Variants in PCDHGB5 observed in about 807,000 individuals in gnomAD.
PCDHGB5 encodes protocadherin gamma-B5.
Under a neutral mutation model 62.9 loss-of-function variants are expected in PCDHGB5, and 48 were observed. The observed-to-expected ratio is 0.76, with a 90% confidence interval of 0.61 to 0.97. The LOEUF is 0.97. Among genes scored for constraint, PCDHGB5 ranks in the 50% least tolerant of loss-of-function variants. The pLI, the probability that PCDHGB5 is intolerant of heterozygous loss-of-function variation, is 0.00. For missense variants in PCDHGB5, 1,118 were observed against 1,198.6 expected, an observed-to-expected ratio of 0.93 and a Z score of 0.99; for synonymous variants, 474 against 511.2, an observed-to-expected ratio of 0.93 and a Z score of 0.98.
At chr5:141,426,702 C>CA (rs1187798274) in intron 1 of PCDHGB5, 1 of 439,184 alleles carries the variant, frequency 2.3e-6, no homozygotes, top group Admixed American at 2.4e-5. Context: ...CATTGTTTTA[C>CA]AAATCAATGA....
chr5:141,448,145 A>G (rs2098568457), intron 1 of PCDHGB5, among the ~76,000 whole-genome samples: 1 of 151,716 alleles, frequency 6.6e-6, no homozygotes, highest in South Asian at 2.1e-4. Flanking sequence ...TATACCTCAG[A>G]CTCACCCCTG....
At chr5:141,409,067 A>G (rs2095219315) in intron 1 of PCDHGB5, 2 of 1,614,034 alleles carry the variant, frequency 1.2e-6, no homozygotes, top group South Asian at 2.2e-5. Context: ...CCAGAGCACA[A>G]AACATATGTT....
intron 1 of PCDHGB5, chr5:141,422,123 C>A: frequency 6.2e-7 from 1 of 1,601,290 alleles, no homozygotes; most frequent in South Asian, 1.1e-5. Context: ...GATTCACAAA[C>A]TGGAGAAGTT....
chr5:141,409,883 C>T lies in PCDHGB5; in HGVS notation c.2397+9359C>T, dbSNP rs530193346. 1.2e-6 allele frequency: 2 copies of T among 1,612,988 alleles called. No individual in the cohort carries two copies. The highest frequency in any genetic ancestry group is 3.3e-5 in the Admixed American group (2 of 59,964). ...GGGAGACCGCAATGACAACGCACCGCGGGTGCTGTACCCAGCTCTGGGTCC... is the reference window on the plus strand; with the variant it reads ...GGGAGACCGCAATGACAACGCACCGTGGGTGCTGTACCCAGCTCTGGGTCC... On this transcript the variant is annotated intron_variant, in intron 1 of 3. Transcript: ENST00000617380.
chr5:141,404,928 C>A lies in PCDHGB5; in HGVS notation c.2397+4404C>A, dbSNP rs145718404. The stretch of plus-strand genomic sequence containing the variant: ...CAGCCCCCTCTCTCGGCCACTGTCA[C>A]GCTCACAGTAGCCATAGCTGACAGC... On this transcript the variant is annotated intron_variant, in intron 1 of 3. Coordinates refer to ENST00000617380, the MANE Select transcript of PCDHGB5 (RefSeq NM_018925.3). The A allele has an allele frequency of 1.9e-6, 3 of 1,613,866 alleles. No individual in the cohort carries two copies. In the South Asian group the frequency reaches 3.3e-5, roughly 18 times the overall value.
chr5:141,477,059 A>T lies in PCDHGB5; in HGVS notation c.2398-17748A>T. The T allele has an allele frequency of 6.2e-7, 1 of 1,614,238 alleles. No homozygotes were observed. Among genetic ancestry groups the T allele is most frequent in the Non-Finnish European group, 8.5e-7 (1 of 1,180,036 alleles). ...CAAGGGTCGGCTGGACTTCGAGGAC[A>T]CCAAACTCCATGAGATTTACATCCA... On this transcript the variant is annotated intron_variant, in intron 1 of 3. Transcript: ENST00000617380. The surrounding 1 kb of genome is among the most constrained non-coding windows in gnomAD (Gnocchi z 4.9).
chr5:141,462,781 G>A (rs893647456), intron 1 of PCDHGB5, among the ~76,000 whole-genome samples: 7 of 152,102 alleles, frequency 4.6e-5, no homozygotes, highest in African/African-American at 1.7e-4. Context: ...GTCATAATTT[G>A]TTGCTTATTT....
chr5:141,405,398 CT>C, intron 1 of PCDHGB5: 1 of 1,590,264 alleles, frequency 6.3e-7, no homozygotes, highest in Non-Finnish European at 8.6e-7. Context: ...TTTTTTCTTT[CT>C]TTCTTTTCTT....
At chr5:141,499,548 A>G (rs1312910986) in intron 2 of PCDHGB5, among the ~76,000 whole-genome samples, 3 of 152,226 alleles carry the variant, frequency 2.0e-5, no homozygotes, top group African/African-American at 7.2e-5. Flanking sequence ...ATGAACCTGT[A>G]TGATACCACT....
chr5:141,404,945 G>A (rs753544983), intron 1 of PCDHGB5: 6 of 1,613,952 alleles, frequency 3.7e-6, no homozygotes, highest in Non-Finnish European at 5.1e-6. Flanking sequence ...AGTAGCCATA[G>A]CTGACAGCAT....
At chr5:141,408,747 T>C (rs1589683971) in intron 1 of PCDHGB5, 1 of 1,609,868 alleles carries the variant, frequency 6.2e-7, no homozygotes, top group Non-Finnish European at 8.5e-7. Flanking sequence ...TCATTAATGG[T>C]TAGAGTTAAT....
At chr5:141,405,047 G>A in intron 1 of PCDHGB5, 4 of 1,613,944 alleles carry the variant, frequency 2.5e-6, no homozygotes, top group Non-Finnish European at 2.5e-6. Context: ...GGCTGTGGCA[G>A]TCGTCTCCTG....
intron 1 of PCDHGB5, chr5:141,409,280 T>C (rs1277414418): frequency 6.2e-7 from 1 of 1,613,904 alleles, no homozygotes; most frequent in Non-Finnish European, 8.5e-7. Context: ...TTTGGAGAAT[T>C]CACCTCCAGG....
At chr5:141,405,931 C>CT (rs1439525242) in intron 1 of PCDHGB5, among the ~76,000 whole-genome samples, 2 of 152,062 alleles carry the variant, frequency 1.3e-5, no homozygotes, top group Non-Finnish European at 2.9e-5. Context: ...GCTGATATAA[C>CT]TTTCATGTTC....
rs1336220348 is a variant in PCDHGB5, at chr5:141,399,081, G to A, written c.954G>A (p.Arg318=). 1.2e-6 allele frequency: 2 copies of A among 1,613,758 alleles called. No individual in the cohort carries two copies. The highest frequency in any genetic ancestry group is 1.3e-5 in the African/African-American group (1 of 75,030). Residue 318 remains arginine, a synonymous_variant, in exon 1 of 4, where the codon AGG becomes AGA. Coordinates refer to ENST00000617380, the MANE Select transcript of PCDHGB5 (RefSeq NM_018925.3). The stretch of plus-strand genomic sequence containing the variant: ...AATATTCAATGGTTGTAGAAGGGAG[G>A]GATGGTGGTGGACTGGTTGCACAAT... ...TKEYSMVVEG[R]DGGGLVAQCT...
At chr5:141,418,922 C>A in intron 1 of PCDHGB5, 1 of 1,613,994 alleles carries the variant, frequency 6.2e-7, no homozygotes, top group Non-Finnish European at 8.5e-7. Context: ...ACTCTCTGAT[C>A]AGATTATGGA....
chr5:141,494,586 G>A (rs770159202), intron 1 of PCDHGB5, among the ~76,000 whole-genome samples: 1 of 152,112 alleles, frequency 6.6e-6, no homozygotes, highest in Non-Finnish European at 1.5e-5. Context: ...GCTCACTGTG[G>A]TCAGATGAAA....
At position 141,399,809 on chromosome 5, in the gene PCDHGB5, C is replaced by A. The variant is rs547922730; in HGVS notation, c.1682C>A (p.Pro561His). Residue 561 changes from proline to histidine, a missense_variant, in exon 1 of 4, where the codon CCC becomes CAC. By Grantham distance (77) the Pro-to-His change is moderately conservative (BLOSUM62 -2). This residue lies in a region of PCDHGB5 where 1,034 missense variants were observed against 1,029.1 expected (regional missense o/e 1.00). Coordinates refer to ENST00000617380, the MANE Select transcript of PCDHGB5 (RefSeq NM_018925.3). ...RNDNAPRVLY[P>H]ALGPDGSALF... The stretch of plus-strand genomic sequence containing the variant: ...GACAACGCACCGCGGGTGCTGTACC[C>A]CGCGCTGGGTCCCGACGGCTCTGCG... 1.2e-6 allele frequency: 2 copies of A among 1,613,222 alleles called. No individual in the cohort carries two copies. The highest frequency in any genetic ancestry group is 1.7e-5 in the Admixed American group (1 of 60,004).
chr5:141,462,668 T>C (rs778396861), intron 1 of PCDHGB5, among the ~76,000 whole-genome samples: 10 of 152,232 alleles, frequency 6.6e-5, no homozygotes, highest in Non-Finnish European at 1.5e-4. Flanking sequence ...CTTCATATTT[T>C]TCTTTAAATT....
Sources: allele counts gnomAD v4.1 joint callset (sites outside exome capture counted in the v4.1 genomes callset), GRCh38; gene constraint gnomAD v4.1.1; regional missense constraint gnomAD v4.1.1; non-coding constraint Gnocchi (gnomAD v3.1); transcripts MANE v1.5; gene names NCBI Gene and HGNC (gene_info 2026-07-23, HGNC 2026-07-21).